TRAK2: variants seen among roughly 807,000 people sequenced by gnomAD.
TRAK2 encodes the protein trafficking kinesin-binding protein 2.
A neutral mutation model predicts 104.6 loss-of-function variants in TRAK2; 81 were observed. That is an observed-to-expected ratio of 0.77 (90% CI 0.65 to 0.93). The LOEUF (loss-of-function observed/expected upper bound fraction) is 0.93, where lower values mean the gene tolerates loss of function less well. TRAK2 is among the 40% of genes least tolerant of loss of function. The pLI is 0.00. For missense variants in TRAK2, 1,002 were observed against 1,089.0 expected, an observed-to-expected ratio of 0.92 and a Z score of 1.12; for synonymous variants, 406 against 394.4, an observed-to-expected ratio of 1.03 and a Z score of -0.35.
chr2:201,381,912 C>T (rs1021735262), intron 15 of TRAK2, among the ~76,000 whole-genome samples: 2 of 152,082 alleles, frequency 1.3e-5, no homozygotes, highest in Admixed American at 6.5e-5. Flanking sequence ...TAACTAATAG[C>T]TTCGACAACT....
intron 2 of TRAK2, among the ~76,000 whole-genome samples, chr2:201,408,194 T>C (rs1410362943): frequency 1.3e-5 from 2 of 152,230 alleles, no homozygotes; most frequent in Admixed American, 1.3e-4. Context: ...TCTCTACTTC[T>C]AGCAGATCAA....
intron 15 of TRAK2, 133 bp downstream of exon 15, chr2:201,383,978 T>C (rs1951365847): frequency 3.1e-6 from 2 of 653,454 alleles, no homozygotes; most frequent in Non-Finnish European, 2.6e-6. Flanking sequence ...AATGTGAAAA[T>C]ATTCTAAAGA....
chr2:201,396,145 T>C (rs1951499671), intron 7 of TRAK2, among the ~76,000 whole-genome samples: 1 of 152,158 alleles, frequency 6.6e-6, no homozygotes, highest in Admixed American at 6.5e-5. Flanking sequence ...TACTTCTCAG[T>C]GTCATGTAAA....
intron 2 of TRAK2, among the ~76,000 whole-genome samples, chr2:201,419,002 C>A (rs1223376458): frequency 1.3e-5 from 2 of 152,138 alleles, no homozygotes; most frequent in African/African-American, 4.8e-5. Context: ...GTAAAGAACA[C>A]TTACAATTCA....
intron 10 of TRAK2, among the ~76,000 whole-genome samples, 194 bp from the exon 11 acceptor site, chr2:201,390,074 G>T (rs1951431779): frequency 6.6e-6 from 1 of 152,146 alleles, no homozygotes; most frequent in Non-Finnish European, 1.5e-5. Flanking sequence ...TTTCAAATAG[G>T]AAAGTAGTGG....
At chr2:201,407,759 G>GTTT (rs10689466) in intron 2 of TRAK2, among the ~76,000 whole-genome samples, 162 bp from the exon 3 acceptor site, 5 of 151,220 alleles carry the variant, frequency 3.3e-5, no homozygotes, top group African/African-American at 9.7e-5. Flanking sequence ...TAGTAGTATA[G>GTTT]TTTTTTTTTC....
chr2:201,412,334 A>C, intron 2 of TRAK2: 1 of 1,330,020 alleles, frequency 7.5e-7, no homozygotes, highest in South Asian at 1.2e-5. Context: ...ACATCATCAA[A>C]GAAGGGAATC....
Position 201,381,165 on chromosome 2 carries a change from G to C in TRAK2, c.2123C>G (p.Thr708Arg), listed in dbSNP as rs760400204. ...CGSSGSSSSN[T>R]AVNSPALSYR... The stretch of plus-strand genomic sequence containing the variant: ...GGACAAGGCAGGAGAATTCACAGCC[G>C]TGTTGGATGAACTGCTACCGCTACT... Residue 708 changes from threonine (T) to arginine (R), a missense_variant, in exon 16 of 16, where the codon ACG becomes AGG. Physicochemically the swap from Thr to Arg is moderately conservative, Grantham distance 71. Transcript: ENST00000332624. 2.5e-6 allele frequency: 4 copies of C among 1,613,740 alleles called. No homozygotes were observed. The highest frequency in any genetic ancestry group is 3.4e-6 in the Non-Finnish European group (4 of 1,179,922).
chr2:201,407,405 A>G lies in TRAK2; in HGVS notation c.284T>C (p.Met95Thr). 1 of 1,612,594 alleles carries G rather than the reference A, an allele frequency of 6.2e-7. No individual in the cohort carries two copies. ...AAAAGAGTAAAAAAAATACTCACTC[A>G]TGTAACGGAAAGTCTCTTCAGCAAG... ...PVLAEETFRY[M>T]ILGTDRVEQM... Residue 95 changes from methionine to threonine, a missense_variant and splice_region_variant, in exon 3 of 16, where the codon ATG (methionine) becomes ACG (threonine). Transcript: ENST00000332624.
Position 201,386,288 on chromosome 2 carries a change from T to C in TRAK2, c.1893A>G (p.Lys631=). Residue 631 remains lysine (K), a synonymous_variant, in exon 14 of 16, where the codon AAA becomes AAG. Transcript: ENST00000332624. ...CTGTTACTGGCTTGGATGTTGAAAG[T>C]TTCTCTTCCACTTCAAGAGGTTGCT... ...QVQQPLEVEE[K]LSTSKPVTGI... 1.2e-6 allele frequency: 2 copies of C among 1,614,112 alleles called. No homozygotes were observed. Among genetic ancestry groups the C allele is most frequent in the East Asian group, 2.2e-5 (1 of 44,876 alleles).
chr2:201,398,810 G>A (rs367635091), intron 5 of TRAK2, among the ~76,000 whole-genome samples: 6 of 151,814 alleles, frequency 4.0e-5, no homozygotes, highest in East Asian at 1.9e-4. Flanking sequence ...TTTAGTTCTC[G>A]GAACAAATAG....
chr2:201,410,536 T>TA, intron 2 of TRAK2: 1 of 1,100,540 alleles, frequency 9.1e-7, no homozygotes, highest in East Asian at 2.4e-5. Flanking sequence ...TCCTTCAAAA[T>TA]AGACACCTCA....
chr2:201,391,848 C>T (rs549303825), intron 10 of TRAK2, among the ~76,000 whole-genome samples: 31 of 152,040 alleles, frequency 2.0e-4, no homozygotes, highest in African/African-American at 5.5e-4. Flanking sequence ...ACAAAAGTCA[C>T]GAAAGAGAAA....
At chr2:201,450,113 A>T (rs780629878) in intron 1 of TRAK2, among the ~76,000 whole-genome samples, 68 of 152,182 alleles carry the variant, frequency 4.5e-4, no homozygotes, top group Admixed American at 1.1e-3. Context: ...GACATTACTT[A>T]ATTTTAAAAA....
chr2:201,388,912 T>C (rs1559438183), intron 12 of TRAK2, among the ~76,000 whole-genome samples: 1 of 152,200 alleles, frequency 6.6e-6, no homozygotes. Context: ...CTTCTAGTTA[T>C]ATAGAATTCA....
intron 10 of TRAK2, among the ~76,000 whole-genome samples, chr2:201,390,318 G>T (rs1430263472): frequency 6.6e-6 from 1 of 151,240 alleles, no homozygotes; most frequent in Non-Finnish European, 1.5e-5. Context: ...GCCAAGGTGG[G>T]TGGATCACGA....
chr2:201,398,244 G>A lies in TRAK2; in HGVS notation c.591C>T (p.Phe197=), dbSNP rs201579398. The change falls in exon 6 of 16, where the codon TTC becomes TTT. Residue 197 remains phenylalanine, a synonymous_variant. Transcript: ENST00000332624. ...TDSSCSTPLR[F]NESFSLSQGL... ...CTTGAGATAAGCTAAAGGACTCATT[G>A]AACCGAAGAGGTGTAGAACAGCTGG... 235 of 1,613,626 alleles carry A rather than the reference G, an allele frequency of 1.5e-4. No homozygotes were observed. The highest frequency in any genetic ancestry group is 1.8e-4 in the Non-Finnish European group (216 of 1,179,740).
intron 3 of TRAK2, among the ~76,000 whole-genome samples, chr2:201,407,050 C>T (rs2125649251): frequency 6.6e-6 from 1 of 152,248 alleles, no homozygotes; most frequent in African/African-American, 2.4e-5. Flanking sequence ...AAGCTGATAG[C>T]TTAGGATAAC....
intron 1 of TRAK2, among the ~76,000 whole-genome samples, chr2:201,440,215 A>G (rs560779472): frequency 1.0e-3 from 155 of 149,816 alleles, no homozygotes; most frequent in Non-Finnish European, 1.8e-3. Flanking sequence ...CCAAATTGCT[A>G]TTTTTTTTTT....
Sources: allele counts gnomAD v4.1 joint callset (sites outside exome capture counted in the v4.1 genomes callset), GRCh38; gene constraint gnomAD v4.1.1; transcripts MANE v1.5; gene names NCBI Gene and HGNC (gene_info 2026-07-23, HGNC 2026-07-21).